The following ARHGAP32 variants were observed in gnomAD, a reference collection of about 807,000 sequenced individuals.
ARHGAP32 encodes rho GTPase-activating protein 32.
In ARHGAP32, 51 loss-of-function variants were observed where a neutral mutation model predicts 186.5. That is an observed-to-expected ratio of 0.27 (90% CI 0.22 to 0.35). The LOEUF (loss-of-function observed/expected upper bound fraction) is 0.35, where lower values mean the gene tolerates loss of function less well. Among genes scored for constraint, ARHGAP32 ranks in the 10% least tolerant of loss-of-function variants. ARHGAP32 has a pLI of 1.00. For missense variants in ARHGAP32, 2,186 were observed against 2,623.5 expected (o/e 0.83, Z 3.64); for synonymous variants, 950 against 964.3 (o/e 0.99, Z 0.27).
chr11:129,036,342 T>C (rs1406850432), intron 11 of ARHGAP32, among the ~76,000 whole-genome samples: 1 of 128,046 alleles, frequency 7.8e-6, no homozygotes, highest in Non-Finnish European at 1.5e-5. Flanking sequence ...ATCGCGCCAT[T>C]GCACTCCAGC....
At chr11:129,062,449 G>T (rs190905620) in intron 9 of ARHGAP32, 92 bp from the exon 10 acceptor site, 4 of 1,046,828 alleles carry the variant, frequency 3.8e-6, no homozygotes, top group Non-Finnish European at 5.8e-6. Flanking sequence ...GTATGAAAAG[G>T]TAAAGTACTA....
chr11:129,157,839 G>A (rs1004461005), intron 2 of ARHGAP32, among the ~76,000 whole-genome samples: 1 of 152,158 alleles, frequency 6.6e-6, no homozygotes, highest in African/African-American at 2.4e-5. Context: ...AGAAAGATCA[G>A]GTTACCCACA....
chr11:129,009,526 C>T (rs1394080724), intron 11 of ARHGAP32, among the ~76,000 whole-genome samples: 1 of 152,124 alleles, frequency 6.6e-6, no homozygotes, highest in Non-Finnish European at 1.5e-5. Flanking sequence ...GTGTGTTGTT[C>T]CCCCCATGCA....
Position 129,095,472 on chromosome 11 carries a change from C to T in ARHGAP32, c.445-1765G>A, listed in dbSNP as rs567449940. 4.6e-5 allele frequency among the ~76,000 whole-genome samples: 7 copies of T among 152,250 alleles called. No homozygotes were observed. In the East Asian group the frequency reaches 7.7e-4, roughly 17 times the overall value. ...TCCCACAGGTACTCACCAGGGATATCGGGTGAGTAAACCAAGGCTGCAGGA... is the reference window on the plus strand; with the variant it reads ...TCCCACAGGTACTCACCAGGGATATTGGGTGAGTAAACCAAGGCTGCAGGA... On this transcript the variant is annotated intron_variant, in intron 5 of 22. Coordinates refer to ENST00000682385, the MANE Select transcript of ARHGAP32 (RefSeq NM_001378024.1).
At chr11:129,239,455 C>A (rs1258229474) in intron 1 of ARHGAP32, among the ~76,000 whole-genome samples, 1 of 152,124 alleles carries the variant, frequency 6.6e-6, no homozygotes, top group Non-Finnish European at 1.5e-5. Context: ...GAGCCAGGAG[C>A]TGTCCCAGAA....
intron 5 of ARHGAP32, among the ~76,000 whole-genome samples, chr11:129,099,397 T>A (rs1029286950): frequency 6.6e-6 from 1 of 152,158 alleles, no homozygotes; most frequent in Non-Finnish European, 1.5e-5. Flanking sequence ...CTAGAAGCAA[T>A]AGGCTACACC....
At chr11:129,209,310 AGTT>A (rs1944551305) in intron 1 of ARHGAP32, among the ~76,000 whole-genome samples, 1 of 152,098 alleles carries the variant, frequency 6.6e-6, no homozygotes, top group South Asian at 2.1e-4. Context: ...GCACAAAAGA[AGTT>A]AGAGAGAGGC....
chr11:129,120,999 T>A (rs1006026528), intron 5 of ARHGAP32, among the ~76,000 whole-genome samples: 1 of 152,076 alleles, frequency 6.6e-6, no homozygotes, highest in Non-Finnish European at 1.5e-5. Flanking sequence ...TCCAACCTTA[T>A]ATTGAAAATA....
chr11:129,182,101 T>C (rs936084531), intron 1 of ARHGAP32, among the ~76,000 whole-genome samples: 2 of 152,132 alleles, frequency 1.3e-5, no homozygotes, highest in East Asian at 1.9e-4. Flanking sequence ...TAGAACTTCT[T>C]TGCTGTTTTT....
chr11:129,064,035 G>T lies in ARHGAP32; in HGVS notation c.763-11C>A. ...TCCCTTATTATCAATCTATCACAAAGAAAATGTACTATGAGATAAAGACAC... is the reference window on the plus strand; with the variant it reads ...TCCCTTATTATCAATCTATCACAAATAAAATGTACTATGAGATAAAGACAC... On this transcript the variant is annotated splice_polypyrimidine_tract_variant and intron_variant, in intron 8 of 22. Transcript: ENST00000682385. 1 of 1,596,630 alleles carries T rather than the reference G, an allele frequency of 6.3e-7. No individual in the cohort carries two copies. Among genetic ancestry groups the T allele is most frequent in the Non-Finnish European group, 8.5e-7 (1 of 1,173,606 alleles).
intron 10 of ARHGAP32, among the ~76,000 whole-genome samples, chr11:129,058,941 T>C (rs868461805): frequency 6.6e-6 from 1 of 152,206 alleles, no homozygotes; most frequent in East Asian, 1.9e-4. Flanking sequence ...CTGAAGAGTT[T>C]TTCTCCAGCA....
intron 2 of ARHGAP32, among the ~76,000 whole-genome samples, chr11:129,128,258 C>A (rs907204360): frequency 1.3e-5 from 2 of 152,118 alleles, no homozygotes; most frequent in Non-Finnish European, 2.9e-5. Context: ...TCTTTTAATG[C>A]AAATTGCCAT....
At chr11:129,074,895 G>C (rs753458261) in intron 6 of ARHGAP32, among the ~76,000 whole-genome samples, 5 of 152,074 alleles carry the variant, frequency 3.3e-5, no homozygotes, top group Non-Finnish European at 7.3e-5. Context: ...GATCATAAGT[G>C]TTCTCACCAC....
At chr11:129,018,493 T>C (rs1938455916) in intron 11 of ARHGAP32, among the ~76,000 whole-genome samples, 1 of 152,210 alleles carries the variant, frequency 6.6e-6, no homozygotes, top group Non-Finnish European at 1.5e-5. Flanking sequence ...AAAAGGAATA[T>C]TGCCAAGAGT....
chr11:129,004,034 GTA>G (rs1322706844), intron 11 of ARHGAP32, among the ~76,000 whole-genome samples: 4 of 151,704 alleles, frequency 2.6e-5, no homozygotes, highest in Non-Finnish European at 5.9e-5. Context: ...AGCTTTTATT[GTA>G]TCCCATAGGT....
chr11:129,004,853 G>C (rs1273634698), intron 11 of ARHGAP32, among the ~76,000 whole-genome samples: 1 of 151,980 alleles, frequency 6.6e-6, no homozygotes, highest in East Asian at 1.9e-4. Flanking sequence ...GAAGAGTTTA[G>C]TCCATTTACA....
chr11:129,279,618 C>CAGCGGGG (rs1452987691), upstream of ARHGAP32, among the ~76,000 whole-genome samples: 35 of 146,318 alleles, frequency 2.4e-4, no homozygotes, highest in Non-Finnish European at 1.5e-4. Context: ...GCGACGCCCG[C>CAGCGGGG]AGCGGGGAGA....
intron 1 of ARHGAP32, among the ~76,000 whole-genome samples, chr11:129,208,979 T>A (rs551235417): frequency 1.3e-5 from 2 of 152,230 alleles, no homozygotes; most frequent in Non-Finnish European, 2.9e-5. Context: ...CAAAAACAGT[T>A]GTAACACATT....
Position 128,974,348 on chromosome 11 carries a change from G to C in ARHGAP32, c.2849C>G (p.Ser950Cys). 6.2e-7 allele frequency: 1 copy of C among 1,614,224 alleles called. No homozygotes were observed. The highest frequency in any genetic ancestry group is 8.5e-7 in the Non-Finnish European group (1 of 1,180,044). Residue 950 changes from serine to cysteine, a missense_variant, in exon 21 of 23, where the codon TCT becomes TGT. Around this residue, in one of 5 missense-constraint regions of ARHGAP32, gnomAD observed 1,502 missense variants for 1,570.0 expected, o/e 0.96. Transcript: ENST00000682385. ...VSNTTAQNASSSTWDKCVEER... is the reference protein window; with the variant it reads ...VSNTTAQNASCSTWDKCVEER... ...TTCAACGCATTTGTCCCAGGTTGAA[G>C]ATGATGCATTCTGAGCTGTGGTATT...
Sources: gnomAD v4.1 joint callset for allele counts (sites outside exome capture counted in the v4.1 genomes callset) on GRCh38, gnomAD v4.1.1 for gene constraint, gnomAD v4.1.1 regional missense constraint, MANE v1.5 for transcripts, NCBI Gene and HGNC (gene_info 2026-07-23, HGNC 2026-07-21) for gene names.